INSC: variants seen among roughly 807,000 people sequenced by gnomAD.
The protein encoded by INSC is INSC spindle orientation adaptor protein, also known as protein inscuteable homolog.
Under a neutral mutation model 58.6 loss-of-function variants are expected in INSC, and 67 were observed. The observed-to-expected ratio is 1.14, with a 90% confidence interval of 0.94 to 1.40. The LOEUF is 1.40. INSC is among the 40% of genes most tolerant of loss of function. INSC has a pLI of 0.00. For synonymous variants in INSC, 262 were observed against 276.1 expected, an observed-to-expected ratio of 0.95 and a Z score of 0.51; for missense variants, 714 against 692.0, an observed-to-expected ratio of 1.03 and a Z score of -0.36.
chr11:15,229,354 TCA>T (rs1331198494), intron 9 of INSC, among the ~76,000 whole-genome samples: 15 of 152,194 alleles, frequency 9.9e-5, no homozygotes, highest in Admixed American at 9.8e-4. Context: ...ACTAGGGGTT[TCA>T]TTTTTGTCTC....
At chr11:15,245,184 G>A (rs1487210363) in intron 12 of INSC, among the ~76,000 whole-genome samples, 3 of 152,128 alleles carry the variant, frequency 2.0e-5, no homozygotes, top group Non-Finnish European at 4.4e-5. Context: ...GGCCCTGGTT[G>A]CACAGGGGAG....
chr11:15,133,516 C>T (rs1240301152), intron 1 of INSC, among the ~76,000 whole-genome samples: 1 of 152,220 alleles, frequency 6.6e-6, no homozygotes, highest in Non-Finnish European at 1.5e-5. Flanking sequence ...TAATTCTCAA[C>T]TCTCATTGTT....
chr11:15,224,793 C>A (rs1302056578), intron 8 of INSC, among the ~76,000 whole-genome samples: 1 of 152,134 alleles, frequency 6.6e-6, no homozygotes, highest in Non-Finnish European at 1.5e-5. Context: ...TCCTTAAAGG[C>A]CCTTAGTACA....
At chr11:15,200,752 G>T (rs1025000037) in intron 6 of INSC, 72 bp from the exon 7 acceptor site, 2 of 1,598,790 alleles carry the variant, frequency 1.3e-6, no homozygotes, top group African/African-American at 2.7e-5. Context: ...AATCAGGGAT[G>T]TCACTTATTC....
chr11:15,248,981 G>C (rs1342286176), downstream of INSC, among the ~76,000 whole-genome samples: 2 of 152,130 alleles, frequency 1.3e-5, no homozygotes, highest in Admixed American at 1.3e-4. Flanking sequence ...AAAGTCCACT[G>C]ACAGCTGCAG....
intron 7 of INSC, among the ~76,000 whole-genome samples, chr11:15,212,109 T>G (rs1238699971): frequency 2.0e-5 from 3 of 148,868 alleles, no homozygotes; most frequent in Non-Finnish European, 3.0e-5. Flanking sequence ...ATTGACATAG[T>G]TTTTTTTTTG....
intron 6 of INSC, among the ~76,000 whole-genome samples, chr11:15,199,552 C>T (rs1850499278): frequency 6.6e-6 from 1 of 152,224 alleles, no homozygotes; most frequent in Non-Finnish European, 1.5e-5. Flanking sequence ...ATTCTCAGCA[C>T]ACATGGAACT....
At chr11:15,178,174 C>T (rs747351515) in intron 4 of INSC, 150 bp from the exon 5 acceptor site, 87 of 1,036,286 alleles carry the variant, frequency 8.4e-5, no homozygotes, top group Non-Finnish European at 1.0e-4. Flanking sequence ...GTGGGCAAGC[C>T]AGCTGTGGAA....
In INSC at chr11:15,175,120, A is replaced by G. The variant is rs556940842; in HGVS notation, c.57-621A>G. 1.4e-4 allele frequency among the ~76,000 whole-genome samples: 21 copies of G among 152,334 alleles called. No individual in the cohort carries two copies. In the South Asian group the frequency reaches 4.1e-3, roughly 30 times the overall value. ...AGAAAAGCTGAAAAAAATGAAAAAG[A>G]CTTTAGTTACATTACTCCTTAAGAG... On this transcript the variant is annotated intron_variant, in intron 2 of 12. Coordinates refer to ENST00000379556, the MANE Select transcript of INSC (RefSeq NM_001042536.3).
intron 7 of INSC, among the ~76,000 whole-genome samples, chr11:15,216,772 G>A (rs1851235688): frequency 6.6e-6 from 1 of 152,166 alleles, no homozygotes; most frequent in Admixed American, 6.5e-5. Flanking sequence ...AAAAGAGTGT[G>A]CAGAAAGGAC....
chr11:15,130,902 T>G (rs1263138188), intron 1 of INSC, among the ~76,000 whole-genome samples: 1 of 152,064 alleles, frequency 6.6e-6, no homozygotes, highest in East Asian at 1.9e-4. Context: ...TTTATTTGTT[T>G]CCTCTTTTTT....
intron 3 of INSC, among the ~76,000 whole-genome samples, chr11:15,176,721 A>G (rs1021320447): frequency 6.6e-6 from 1 of 152,220 alleles, no homozygotes; most frequent in African/African-American, 2.4e-5. Context: ...AAGGTGAACC[A>G]TTAAAAATCT....
the INSC span, among the ~76,000 whole-genome samples, chr11:15,257,229 T>G: frequency 6.6e-6 from 1 of 152,194 alleles, no homozygotes; most frequent in African/African-American, 2.4e-5. Flanking sequence ...CATTATTATT[T>G]ACTGATTGGA....
At chr11:15,239,114 G>A (rs1452230989) in intron 11 of INSC, 40 bp downstream of exon 11, 1 of 1,583,234 alleles carries the variant, frequency 6.3e-7, no homozygotes. Context: ...GTGGAGTGGG[G>A]GTATTGGGGG....
chr11:15,216,931 T>C (rs1452602709), intron 7 of INSC, among the ~76,000 whole-genome samples: 1 of 152,234 alleles, frequency 6.6e-6, no homozygotes, highest in Non-Finnish European at 1.5e-5. Context: ...CAGTCTCTCA[T>C]TTAATAATTC....
intron 1 of INSC, among the ~76,000 whole-genome samples, chr11:15,138,670 C>T (rs1462961525): frequency 1.3e-5 from 2 of 152,214 alleles, no homozygotes; most frequent in African/African-American, 4.8e-5. Context: ...AGATGGATAT[C>T]ATAAAACTTC....
intron 5 of INSC, 27 bp from the exon 6 acceptor site, chr11:15,190,674 C>A: frequency 6.6e-7 from 1 of 1,507,564 alleles, no homozygotes; most frequent in Non-Finnish European, 9.2e-7. Flanking sequence ...TGAGTAACTA[C>A]TAGCTAACTT....
intron 2 of INSC, among the ~76,000 whole-genome samples, chr11:15,171,982 G>T (rs941205423): frequency 1.3e-5 from 2 of 152,184 alleles, no homozygotes; most frequent in African/African-American, 4.8e-5. Flanking sequence ...GGCCACAGAT[G>T]GCCAGGGGAT....
chr11:15,127,994 C>CA lies in INSC; in HGVS notation c.-46+13003dup, dbSNP rs563594829. ...TGGGTGACAGGGCGAGACTCCATCT[C>CA]AAAAAAAAAAAAGTGAAAGAAAGAA... is the stretch of plus-strand genomic sequence containing the variant. On this transcript the variant is annotated intron_variant, in intron 1 of 12. Coordinates refer to ENST00000379556, the MANE Select transcript of INSC (RefSeq NM_001042536.3). 9.4e-3 allele frequency among the ~76,000 whole-genome samples: 1,293 copies of CA among 137,028 alleles called. 14 individuals are homozygous for CA. The highest frequency in any genetic ancestry group is 0.03 in the African/African-American group (1,106 of 37,312). The allele number at this position is 137,028 out of a possible 152,430, so 89.9% of individuals were successfully genotyped here. A position where few individuals can be genotyped will look rare whatever the true frequency, so the allele number is the denominator to read the frequency against.
Sources: allele counts gnomAD v4.1 joint callset (sites outside exome capture counted in the v4.1 genomes callset), GRCh38; gene constraint gnomAD v4.1.1; transcripts MANE v1.5; gene names NCBI Gene and HGNC (gene_info 2026-07-23, HGNC 2026-07-21).